Variants in PDZD7 observed in about 807,000 individuals in gnomAD.
PDZD7 encodes the protein PDZ domain-containing protein 7.
In PDZD7, 72 loss-of-function variants were observed where a neutral mutation model predicts 84.7. The ratio of observed to expected loss-of-function variants is 0.85; its 90% CI spans 0.70 to 1.03. PDZD7 has a LOEUF of 1.03. PDZD7 is among the 50% of genes least tolerant of loss of function. PDZD7 has a pLI of 0.00. For missense variants in PDZD7, 1,490 were observed against 1,412.9 expected (o/e 1.05, Z -0.87); for synonymous variants, 594 against 580.7 (o/e 1.02, Z -0.33).
At chr10:101,029,945 CT>C in intron 2 of PDZD7, 48 bp downstream of exon 2, 1 of 1,540,358 alleles carries the variant, frequency 6.5e-7, no homozygotes, top group Non-Finnish European at 8.9e-7. Context: ...CCATTGTCCC[CT>C]ACCCCCACCC....
intron 2 of PDZD7, among the ~76,000 whole-genome samples, chr10:101,026,165 C>T (rs544487122): frequency 4.6e-5 from 7 of 151,282 alleles, no homozygotes; most frequent in African/African-American, 7.3e-5. Flanking sequence ...GACGGAATCT[C>T]GCTTCTTCTC....
chr10:101,025,962 T>C (rs927269646), intron 2 of PDZD7, among the ~76,000 whole-genome samples: 1 of 152,174 alleles, frequency 6.6e-6, no homozygotes. Context: ...TCCTCCCATC[T>C]GTTAGACTCT....
In PDZD7 at chr10:101,010,604, G is replaced by A. The variant is rs1262350380; in HGVS notation, c.2285C>T (p.Pro762Leu). 2.3e-5 allele frequency: 34 copies of A among 1,508,036 alleles called. No homozygotes were observed. Among genetic ancestry groups the A allele is most frequent in the South Asian group, 2.5e-5 (2 of 79,810 alleles). The allele number at this position is 1,508,036 out of a possible 1,614,324, so 93.4% of individuals were successfully genotyped here. The change falls in exon 15 of 17, where the codon CCG becomes CTG. Residue 762 changes from proline to leucine, a missense_variant. Physicochemically the swap from Pro to Leu is moderately conservative, Grantham distance 98. Transcript: ENST00000619208. ...LTEPLSREHP[P>L]QSQIRGRAQS... is the part of the protein sequence containing the mutation. Reference sequence around the variant, plus strand: ...AGCCCGGCCCCGGATCTGGCTCTGCGGAGGGTGCTCTCGGCTCAGGGGTTC... The same window carrying A: ...AGCCCGGCCCCGGATCTGGCTCTGCAGAGGGTGCTCTCGGCTCAGGGGTTC...
At chr10:101,015,491 TGACAGGA>T in intron 11 of PDZD7, 138 bp downstream of exon 11, 1 of 766,138 alleles carries the variant, frequency 1.3e-6, no homozygotes, top group Non-Finnish European at 2.0e-6. Flanking sequence ...TGTGTGTGTG[TGACAGGA>T]GTGACTTCTG....
rs1342381662 is a variant in PDZD7 at position 101,018,923 on chromosome 10, AGGC to A, written c.1220_1222del (p.Arg407del). On this transcript the variant is annotated inframe_deletion, in exon 8 of 17. Coordinates refer to ENST00000619208, the MANE Select transcript of PDZD7 (RefSeq NM_001195263.2). ...GGGAGACTCAGAGAGCGCAGAGTCA[AGGC>A]GGCGGCCGGGATGGGGGCCGTCCGA... is the stretch of plus-strand genomic sequence containing the variant. The A allele has an allele frequency of 1.2e-6, 2 of 1,603,814 alleles. No individual in the cohort carries two copies. Among genetic ancestry groups the A allele is most frequent in the African/African-American group, 2.7e-5 (2 of 74,856 alleles).
intron 2 of PDZD7, 48 bp downstream of exon 2, chr10:101,029,946 T>TACCCCCCCCC: frequency 1.7e-5 from 23 of 1,355,684 alleles, no homozygotes; most frequent in East Asian, 4.8e-5. Flanking sequence ...CATTGTCCCC[T>TACCCCCCCCC]ACCCCCACCC....
intron 7 of PDZD7, among the ~76,000 whole-genome samples, chr10:101,020,276 T>C (rs550973618): frequency 6.6e-6 from 1 of 151,940 alleles, no homozygotes; most frequent in South Asian, 2.1e-4. Flanking sequence ...CCCAGCTACT[T>C]TGTATTTTTA....
At position 101,023,767 on chromosome 10, in the gene PDZD7, C is replaced by T. The variant is rs545097195; in HGVS notation, c.368-157G>A. On this transcript the variant is annotated intron_variant, in intron 3 of 16. Transcript: ENST00000619208. Reference sequence around the variant, plus strand: ...GTTCCCAGTGCCTAGGGATCTGTCCCTTAAACCATTCTGACTTGAGGGTTG... The same window carrying T: ...GTTCCCAGTGCCTAGGGATCTGTCCTTTAAACCATTCTGACTTGAGGGTTG... The T allele has an allele frequency of 4.4e-5, 64 of 1,449,068 alleles. No individual in the cohort carries two copies. In the African/African-American group the frequency reaches 8.8e-4, roughly 20 times the overall value. The allele number at this position is 1,449,068 out of a possible 1,614,324, so 89.8% of individuals were successfully genotyped here.
At chr10:101,029,873 C>T in intron 2 of PDZD7, 121 bp downstream of exon 2, 1 of 1,092,752 alleles carries the variant, frequency 9.2e-7, no homozygotes, top group Non-Finnish European at 1.3e-6. Flanking sequence ...TGCCACCTCC[C>T]TGTGACTCCC....
Position 101,023,617 on chromosome 10 carries a change from C to T in PDZD7, c.368-7G>A. ...ACGCACAGGCCAGCCCGCTCTGCAC[C>T]ACAGGATGGGAGTGGCTGGCATGGG... On this transcript the variant is annotated splice_polypyrimidine_tract_variant and splice_region_variant and intron_variant, in intron 3 of 16. Coordinates refer to ENST00000619208, the MANE Select transcript of PDZD7 (RefSeq NM_001195263.2). 1 of 1,610,904 alleles carries T rather than the reference C, an allele frequency of 6.2e-7. No individual in the cohort carries two copies. Among genetic ancestry groups the T allele is most frequent in the East Asian group, 2.2e-5 (1 of 44,860 alleles).
Position 101,018,114 on chromosome 10 carries a change from G to C in PDZD7, c.1507C>G (p.Leu503Val). ...SGSLAKTYPR[L>V]DIEKAGGVGP... is the part of the protein sequence containing the mutation. Reference sequence around the variant, plus strand: ...CACTACTTACCTTTCTCTATGTCCAGGCGAGGGTAAGTTTTGGCCAGGCTC... The same window carrying C: ...CACTACTTACCTTTCTCTATGTCCACGCGAGGGTAAGTTTTGGCCAGGCTC... Residue 503 changes from leucine (L) to valine (V), a missense_variant, in exon 9 of 17, where the codon CTG becomes GTG. Transcript: ENST00000619208. The C allele has an allele frequency of 6.2e-7, 1 of 1,614,170 alleles. No homozygotes were observed. The highest frequency in any genetic ancestry group is 8.5e-7 in the Non-Finnish European group (1 of 1,180,034).
intron 2 of PDZD7, among the ~76,000 whole-genome samples, chr10:101,028,889 C>T (rs935347457): frequency 1.2e-4 from 19 of 152,132 alleles, no homozygotes; most frequent in Non-Finnish European, 2.1e-4. Flanking sequence ...CAGGGGTGAG[C>T]GTGCCAGGGC....
At chr10:101,017,993 G>T in intron 9 of PDZD7, 106 bp downstream of exon 9, 1 of 1,361,452 alleles carries the variant, frequency 7.3e-7, no homozygotes, top group East Asian at 2.3e-5. Context: ...GGGTTGAGTA[G>T]GGACTCAGCT....
rs1564821241 is a variant in PDZD7 at position 101,008,554 on chromosome 10, C to CCTGGCATCAGAGGGAGGAGT, written c.3014_3015insACTCCTCCCTCTGATGCCAG (p.Gln1008ProfsTer44). The CCTGGCATCAGAGGGAGGAGT allele has an allele frequency of 7.0e-5, 108 of 1,535,200 alleles. No individual in the cohort carries two copies. Among genetic ancestry groups the CCTGGCATCAGAGGGAGGAGT allele is most frequent in the Non-Finnish European group, 9.3e-5 (107 of 1,146,726 alleles). Reference sequence around the variant, plus strand: ...CTGGGCTGGGAGTTGGCTGGAGGAGCCTGGCATCAGTGGGAGGAGTCTGGG... The same window carrying CCTGGCATCAGAGGGAGGAGT: ...CTGGGCTGGGAGTTGGCTGGAGGAGCCTGGCATCAGAGGGAGGAGTCTGGCATCAGTGGGAGGAGTCTGGG... On this transcript the variant is annotated frameshift_variant, in exon 17 of 17. Transcript: ENST00000619208. LOFTEE classifies it low-confidence loss of function (END_TRUNC).
chr10:101,018,916 A>C lies in PDZD7; in HGVS notation c.1230T>G (p.Ser410=). 6.2e-7 allele frequency: 1 copy of C among 1,604,884 alleles called. No individual in the cohort carries two copies. The highest frequency in any genetic ancestry group is 8.5e-7 in the Non-Finnish European group (1 of 1,176,378). Residue 410 remains serine, a synonymous_variant, in exon 8 of 17, where the codon TCT becomes TCG. Coordinates refer to ENST00000619208, the MANE Select transcript of PDZD7 (RefSeq NM_001195263.2). ...CCGTCTTGGGAGACTCAGAGAGCGC[A>C]GAGTCAAGGCGGCGGCCGGGATGGG... The part of the protein sequence containing the change: ...DGPHPGRRLD[S]ALSESPKTAL...
At chr10:101,014,773 C>T (rs1039697662) in intron 11 of PDZD7, among the ~76,000 whole-genome samples, 2 of 152,148 alleles carry the variant, frequency 1.3e-5, no homozygotes, top group African/African-American at 4.8e-5. Flanking sequence ...ACCAGGTACC[C>T]CACAGACACG....
rs755604146 is a variant in PDZD7 at position 101,010,704 on chromosome 10, G to A, written c.2185C>T (p.Arg729Ter). Residue 729 changes from arginine to a stop codon, truncating the protein, a stop_gained, in exon 15 of 17, where the codon CGA becomes TGA. Transcript: ENST00000619208. LOFTEE classifies it high-confidence loss of function. ...DVPVDAFTPLRIACTPPPQLP... is the reference protein window; with the variant it reads ...DVPVDAFTPL ...TGGGGAGGGGGTGTGCAGGCAATTCGGAGGGGGGTGAAGGCATCTACTGGC... is the reference window on the plus strand; with the variant it reads ...TGGGGAGGGGGTGTGCAGGCAATTCAGAGGGGGGTGAAGGCATCTACTGGC... 3.6e-6 allele frequency: 5 copies of A among 1,386,242 alleles called. No homozygotes were observed. Among genetic ancestry groups the A allele is most frequent in the South Asian group, 2.4e-5 (2 of 82,280 alleles). 85.9% of individuals were successfully genotyped at this position (1,386,242 alleles called of 1,614,324 possible). A position where few individuals can be genotyped will look rare whatever the true frequency, so the allele number is the denominator to read the frequency against.
At chr10:101,025,522 T>TTTTA (rs59545181) in intron 2 of PDZD7, among the ~76,000 whole-genome samples, 56,366 of 137,746 alleles carry the variant, frequency 0.41, 11,958 homozygotes, top group East Asian at 0.54. Context: ...ATGGAAGGGA[T>TTTTA]TTTATTTATT....
chr10:101,030,684 G>T (rs1339255786), intron 1 of PDZD7: 1 of 312,704 alleles, frequency 3.2e-6, no homozygotes, highest in African/African-American at 2.2e-5. Flanking sequence ...GGGCCCTGGG[G>T]CTTAGAGAGG....
Sources: gnomAD v4.1 joint callset for allele counts (sites outside exome capture counted in the v4.1 genomes callset) on GRCh38, gnomAD v4.1.1 for gene constraint, MANE v1.5 for transcripts, NCBI Gene and HGNC (gene_info 2026-07-23, HGNC 2026-07-21) for gene names.